TNKS1BP1: variants seen among roughly 807,000 people sequenced by gnomAD.
The protein encoded by TNKS1BP1 is 182 kDa tankyrase-1-binding protein.
Under a neutral mutation model 141.1 loss-of-function variants are expected in TNKS1BP1, and 48 were observed. The observed-to-expected ratio is 0.34, with a 90% CI of 0.27 to 0.43. TNKS1BP1 has a LOEUF of 0.43. TNKS1BP1 is among the 20% of genes least tolerant of loss of function. The pLI is 1.00. For synonymous variants in TNKS1BP1, 875 were observed against 898.2 expected, an observed-to-expected ratio of 0.97 and a Z score of 0.46; for missense variants, 2,149 against 2,226.0, an observed-to-expected ratio of 0.97 and a Z score of 0.70.
intron 3 of TNKS1BP1, among the ~76,000 whole-genome samples, chr11:57,318,927 G>T (rs1004388305): frequency 6.6e-6 from 1 of 151,868 alleles, no homozygotes; most frequent in Non-Finnish European, 1.5e-5. Context: ...GGCAGATCAC[G>T]AGGTCAGGAG....
chr11:57,311,542 T>C, intron 5 of TNKS1BP1: 1 of 866,622 alleles, frequency 1.2e-6, no homozygotes, highest in Non-Finnish European at 1.4e-6. Context: ...CAGGAGCCAG[T>C]TGAGTCACCC....
In TNKS1BP1 at chr11:57,308,952, A is replaced by T. The variant is rs1410367476; in HGVS notation, c.3759T>A (p.Ser1253Arg). 6.2e-7 allele frequency: 1 copy of T among 1,613,438 alleles called. No individual in the cohort carries two copies. The highest frequency in any genetic ancestry group is 1.7e-5 in the Admixed American group (1 of 59,972). Reference protein sequence around the residue: ...EGGGHSQARESGVGQTDWSGV... With the variant: ...EGGGHSQARERGVGQTDWSGV... ...CTGACCAGTCAGTCTGCCCCACGCC[A>T]CTCTCTCTGGCCTGGCTGTGGCCTC... The change falls in exon 6 of 12, where the codon AGT (serine) becomes AGA (arginine). Residue 1253 changes from serine (S) to arginine (R), a missense_variant. Physicochemically the swap from Ser to Arg is moderately radical, Grantham distance 110. Transcript: ENST00000358252.
chr11:57,324,416 G>A (rs1855932176), intron 1 of TNKS1BP1, among the ~76,000 whole-genome samples: 1 of 151,560 alleles, frequency 6.6e-6, no homozygotes, highest in African/African-American at 2.4e-5. Context: ...GAAGCAGCCG[G>A]CGAACAGACG....
At position 57,320,555 on chromosome 11, in the gene TNKS1BP1, C is replaced by CA; in HGVS notation, c.251dup (p.Ala85GlyfsTer22). 7.4e-6 allele frequency: 12 copies of CA among 1,614,110 alleles called. No homozygotes were observed. The highest frequency in any genetic ancestry group is 1.0e-5 in the Non-Finnish European group (12 of 1,180,004). On this transcript the variant is annotated frameshift_variant, in exon 3 of 12. Coordinates refer to ENST00000358252, the MANE Select transcript of TNKS1BP1 (RefSeq NM_033396.3). LOFTEE classifies it high-confidence loss of function. The stretch of plus-strand genomic sequence containing the variant: ...TGCCACCATAGGGCTGGGGTCCTGC[C>CA]AGCATGTTCATCTTCCTGGCAGAAG...
chr11:57,308,977 C>T lies in TNKS1BP1; in HGVS notation c.3734G>A (p.Gly1245Glu), dbSNP rs1855658099. 2.4e-5 allele frequency: 38 copies of T among 1,614,152 alleles called. No homozygotes were observed. The highest frequency in any genetic ancestry group is 3.1e-5 in the Non-Finnish European group (37 of 1,180,010). The change falls in exon 6 of 12, where the codon GGA (glycine) becomes GAA (glutamate). Residue 1245 changes from glycine to glutamate, a missense_variant. Gly to Glu is a moderately conservative substitution (Grantham distance 98). Coordinates refer to ENST00000358252, the MANE Select transcript of TNKS1BP1 (RefSeq NM_033396.3). ...SKDLAEVGEG[G>E]GHSQARESGV... ...ACTCTCTCTGGCCTGGCTGTGGCCT[C>T]CTCCCTCCCCGACCTCAGCCAAATC...
intron 3 of TNKS1BP1, 75 bp downstream of exon 3, chr11:57,320,004 G>T: frequency 6.4e-7 from 1 of 1,555,632 alleles, no homozygotes; most frequent in Non-Finnish European, 8.7e-7. Flanking sequence ...CATGCACTTG[G>T]TCCCCAGCCC....
At position 57,312,797 on chromosome 11, in the gene TNKS1BP1, A is replaced by C. The variant is rs761522667; in HGVS notation, c.1891T>G (p.Cys631Gly). ...QEQPAAPDQP[C>G]VLFADAPEPG... ...TCAGGGGCATCAGCAAAGAGAACACAGGGCTGGTCAGGGGCTGCTGGCTGC... is the reference window on the plus strand; with the variant it reads ...TCAGGGGCATCAGCAAAGAGAACACCGGGCTGGTCAGGGGCTGCTGGCTGC... The change falls in exon 5 of 12, where the codon TGT (cysteine) becomes GGT (glycine). Residue 631 changes from cysteine to glycine, a missense_variant. Physicochemically the swap from Cys to Gly is radical, Grantham distance 159. Transcript: ENST00000358252. 1 of 1,611,484 alleles carries C rather than the reference A, an allele frequency of 6.2e-7. No homozygotes were observed. Among genetic ancestry groups the C allele is most frequent in the Non-Finnish European group, 8.5e-7 (1 of 1,178,772 alleles).
chr11:57,313,193 G>C lies in TNKS1BP1; in HGVS notation c.1495C>G (p.Pro499Ala), dbSNP rs1219334562. Reference protein sequence around the residue: ...VWRLDSPPPSPITEASEAAEA... With the variant: ...VWRLDSPPPSAITEASEAAEA... ...GCGGCCTCACTGGCTTCAGTGATGG[G>C]GGAGGGAGGCGGGGAGTCCAGCCGC... The change falls in exon 5 of 12, where the codon CCC (proline) becomes GCC (alanine). Residue 499 changes from proline (P) to alanine (A), a missense_variant. Physicochemically the swap from Pro to Ala is conservative, Grantham distance 27. Transcript: ENST00000358252. 6.2e-7 allele frequency: 1 copy of C among 1,612,660 alleles called. No individual in the cohort carries two copies. Among genetic ancestry groups the C allele is most frequent in the East Asian group, 2.2e-5 (1 of 44,874 alleles).
At chr11:57,317,919 C>A (rs758113452) in intron 3 of TNKS1BP1, 32 bp from the exon 4 acceptor site, 112 of 1,604,906 alleles carry the variant, frequency 7.0e-5, no homozygotes, top group Non-Finnish European at 9.1e-5. Context: ...AATGGAAGCA[C>A]GGAATGTTAG....
chr11:57,320,804 C>T lies in TNKS1BP1; in HGVS notation c.95-92G>A, dbSNP rs556407912. On this transcript the variant is annotated intron_variant, in intron 2 of 11. Transcript: ENST00000358252. ...CTGTTCCACCTCATCTCCCACCCTCCGATTTAAGAATATTCACATCTTTCT... is the reference window on the plus strand; with the variant it reads ...CTGTTCCACCTCATCTCCCACCCTCTGATTTAAGAATATTCACATCTTTCT... 8.4e-5 allele frequency: 115 copies of T among 1,376,488 alleles called. No homozygotes were observed. The East Asian group carries it at 1.2e-3, about 15-fold the overall frequency. 85.3% of individuals were successfully genotyped at this position (1,376,488 alleles called of 1,614,324 possible). A position where few individuals can be genotyped will look rare whatever the true frequency, so the allele number is the denominator to read the frequency against.
At chr11:57,301,716 A>C in intron 9 of TNKS1BP1, 91 bp downstream of exon 9, 5 of 1,499,416 alleles carry the variant, frequency 3.3e-6, no homozygotes, top group Non-Finnish European at 4.5e-6. Context: ...GGACAGGGGA[A>C]TGAATTGATG....
chr11:57,308,695 A>T lies in TNKS1BP1; in HGVS notation c.4016T>A (p.Val1339Glu). ...GGSQGLRGCG[V>E]GQMDWTQDLA... The stretch of plus-strand genomic sequence containing the variant: ...GTCCTGGGTCCAGTCCATCTGCCCC[A>T]CTCCACATCCCCGTAGCCCCTGAGA... The change falls in exon 6 of 12, where the codon GTG becomes GAG. Residue 1339 changes from valine to glutamate, a missense_variant. Transcript: ENST00000358252. The T allele has an allele frequency of 6.2e-7, 1 of 1,612,148 alleles. No homozygotes were observed.
chr11:57,307,182 C>G (rs908665043), intron 6 of TNKS1BP1, among the ~76,000 whole-genome samples: 1 of 152,114 alleles, frequency 6.6e-6, no homozygotes, highest in African/African-American at 2.4e-5. Flanking sequence ...AGCCTGGACT[C>G]TCCCCTGCAC....
At position 57,320,101 on chromosome 11, in the gene TNKS1BP1, G is replaced by C. The variant is rs1183468968; in HGVS notation, c.706C>G (p.His236Asp). 1.3e-6 allele frequency: 2 copies of C among 1,594,114 alleles called. No homozygotes were observed. Among genetic ancestry groups the C allele is most frequent in the African/African-American group, 2.7e-5 (2 of 73,980 alleles). The change falls in exon 3 of 12, where the codon CAC becomes GAC. Residue 236 changes from histidine (H) to aspartate (D), a missense_variant. Physicochemically the swap from His to Asp is moderately conservative, Grantham distance 81 (BLOSUM62 -1). Coordinates refer to ENST00000358252, the MANE Select transcript of TNKS1BP1 (RefSeq NM_033396.3). ...VKSPAECREEHSKTPEERSLP... is the reference protein window; with the variant it reads ...VKSPAECREEDSKTPEERSLP... ...CACCTCTCCTCAGGGGTCTTGCTGT[G>C]CTCTTCCCGGCACTCTGCTGGAGAC...
chr11:57,303,212 G>T lies in TNKS1BP1; in HGVS notation c.4317-387C>A, dbSNP rs143587531. The T allele has an allele frequency of 3.1e-3, 544 of 175,976 alleles. 10 individuals are homozygous for T. Among genetic ancestry groups the T allele is most frequent in the African/African-American group, 0.012 (499 of 42,608 alleles). The allele number at this position is 175,976 out of a possible 1,614,324, so 10.9% of individuals were successfully genotyped here. A position where few individuals can be genotyped will look rare whatever the true frequency, so the allele number is the denominator to read the frequency against. ...CATGCTAGCAATGTGTTCCCTCCCA[G>T]GGCCACGTGCTCGGGCAGTCACACT... On this transcript the variant is annotated intron_variant, in intron 6 of 11. Transcript: ENST00000358252.
chr11:57,310,973 C>T (rs1050078816), intron 5 of TNKS1BP1, among the ~76,000 whole-genome samples: 2 of 152,156 alleles, frequency 1.3e-5, no homozygotes, highest in African/African-American at 2.4e-5. Flanking sequence ...AGCCTCTCTG[C>T]GACTTCCCTT....
At chr11:57,312,473 A>G (rs1590587645) in intron 5 of TNKS1BP1, 61 bp downstream of exon 5, 1 of 1,393,398 alleles carries the variant, frequency 7.2e-7, no homozygotes. Flanking sequence ...CAAAGAATGA[A>G]GCCCACCCAA....
rs764872515 is a variant in TNKS1BP1, at chr11:57,302,666, G to A, written c.4476C>T (p.Ala1492=). Residue 1492 remains alanine (A), a synonymous_variant, in exon 7 of 12, where the codon GCC becomes GCT. Transcript: ENST00000358252. This position sits in a 1 kb window ranked among gnomAD's most constrained non-coding sequence, Gnocchi z 5.5. ...TGCCAGGCTCCAGCACCTCCTCTTG[G>A]GCAGCACCTGCCCCGGCTCCTTCCT... ...LEEEGAGAGA[A]QEEVLEPGRD... 1.2e-6 allele frequency: 2 copies of A among 1,608,874 alleles called. No homozygotes were observed. The highest frequency in any genetic ancestry group is 1.7e-6 in the Non-Finnish European group (2 of 1,178,748).
intron 5 of TNKS1BP1, chr11:57,311,355 C>A (rs1191017140): frequency 2.3e-5 from 23 of 985,648 alleles, no homozygotes; most frequent in Non-Finnish European, 2.5e-5. Flanking sequence ...CATCCCCAGG[C>A]TGGGCCATGG....
Sources: gnomAD v4.1 joint callset for allele counts (sites outside exome capture counted in the v4.1 genomes callset) on GRCh38, gnomAD v4.1.1 for gene constraint, Gnocchi (gnomAD v3.1) non-coding constraint, MANE v1.5 for transcripts, NCBI Gene and HGNC (gene_info 2026-07-23, HGNC 2026-07-21) for gene names.